The following RPS6KA2 variants were observed in gnomAD, a reference collection of about 807,000 sequenced individuals.
RPS6KA2 encodes ribosomal protein S6 kinase alpha-2.
Under a neutral mutation model 91.8 loss-of-function variants are expected in RPS6KA2, and 42 were observed. The observed-to-expected ratio is 0.46, with a 90% confidence interval of 0.36 to 0.59. The LOEUF (loss-of-function observed/expected upper bound fraction) is 0.59, where lower values mean the gene tolerates loss of function less well. Ranked by LOEUF, RPS6KA2 falls within the 20% of genes least tolerant of loss-of-function variation. The pLI, the probability that RPS6KA2 is intolerant of heterozygous loss-of-function variation, is 0.00. For synonymous variants in RPS6KA2, 414 were observed against 393.6 expected (o/e 1.05, Z -0.61); for missense variants, 798 against 978.5 (o/e 0.82, Z 2.46).
chr6:166,518,043 C>T (rs142073351), intron 3 of RPS6KA2, among the ~76,000 whole-genome samples: 3 of 152,164 alleles, frequency 2.0e-5, no homozygotes, highest in African/African-American at 7.2e-5. Flanking sequence ...GTCTTTAATT[C>T]CTCTAGCGCT....
intron 1 of RPS6KA2, among the ~76,000 whole-genome samples, chr6:166,564,262 G>A (rs1420879253): frequency 6.6e-6 from 1 of 152,110 alleles, no homozygotes; most frequent in African/African-American, 2.4e-5. Flanking sequence ...CCAGAACATC[G>A]CATGTGTCAA....
intron 1 of RPS6KA2, among the ~76,000 whole-genome samples, chr6:166,573,768 C>G (rs1050431702): frequency 6.6e-6 from 1 of 152,220 alleles, no homozygotes; most frequent in Non-Finnish European, 1.5e-5. Context: ...CGTGGTGAAA[C>G]AGTCTGGGAA....
intron 2 of RPS6KA2, among the ~76,000 whole-genome samples, chr6:166,777,270 AGGCC>A (rs1778647247): frequency 6.6e-6 from 1 of 152,240 alleles, no homozygotes; most frequent in East Asian, 1.9e-4. Context: ...TAAAAATGCC[AGGCC>A]TGTGCCTTCC....
chr6:166,422,562 CTT>C (rs1778761788), intron 17 of RPS6KA2, among the ~76,000 whole-genome samples: 1 of 152,212 alleles, frequency 6.6e-6, no homozygotes, highest in Non-Finnish European at 1.5e-5. Flanking sequence ...CCCTTCCTCT[CTT>C]TACCACTGGC....
chr6:166,793,621 A>G (rs1300298956), intron 2 of RPS6KA2, among the ~76,000 whole-genome samples: 3 of 151,960 alleles, frequency 2.0e-5, no homozygotes, highest in Non-Finnish European at 4.4e-5. Context: ...AGGCTACAGT[A>G]ACCAAAACAG....
intron 2 of RPS6KA2, among the ~76,000 whole-genome samples, chr6:166,751,886 TC>T (rs2128599221): frequency 6.6e-6 from 1 of 152,096 alleles, no homozygotes; most frequent in Non-Finnish European, 1.5e-5. Context: ...GAGGCCAGAC[TC>T]CGTGGAGCAC....
intron 2 of RPS6KA2, among the ~76,000 whole-genome samples, chr6:166,764,567 G>A (rs1778258077): frequency 1.3e-5 from 2 of 152,130 alleles, no homozygotes; most frequent in African/African-American, 4.8e-5. Flanking sequence ...GGCCTAGATG[G>A]GGAAGCAGAG....
chr6:166,588,548 C>G (rs1203815504), intron 1 of RPS6KA2, among the ~76,000 whole-genome samples: 1 of 152,220 alleles, frequency 6.6e-6, no homozygotes. Flanking sequence ...ACACCAGAAT[C>G]TGGGGAAATT....
At chr6:166,653,723 C>A (rs879900199) in intron 2 of RPS6KA2, among the ~76,000 whole-genome samples, 5 of 152,154 alleles carry the variant, frequency 3.3e-5, no homozygotes, top group Admixed American at 6.5e-5. Context: ...CCCATCTCAG[C>A]GGCACATGAA....
rs142360872 is a variant in RPS6KA2 at position 166,742,930 on chromosome 6, T to C, written c.123+115270A>G. Among the ~76,000 whole-genome samples, 639 of 152,254 alleles carry C rather than the reference T, an allele frequency of 4.2e-3. 4 individuals are homozygous for C. Among genetic ancestry groups the C allele is most frequent in the African/African-American group, 0.015 (616 of 41,568 alleles). ...GTTGCTCTGACTAATGGCGCTGAAA[T>C]AACGCAAAATCATCCACCTACCAGA... On this transcript the variant is annotated intron_variant, in intron 2 of 21. Coordinates refer to the RPS6KA2 transcript ENST00000503859.
chr6:166,594,548 T>C (rs368067851), intron 1 of RPS6KA2, among the ~76,000 whole-genome samples: 32 of 152,288 alleles, frequency 2.1e-4, no homozygotes, highest in Middle Eastern at 3.4e-3. Flanking sequence ...CTGCAAGCTC[T>C]GCCTCCCGGG....
At position 166,418,053 on chromosome 6, in the gene RPS6KA2, A is replaced by C. The variant is rs1169915523; in HGVS notation, c.1938+172T>G. On this transcript the variant is annotated intron_variant, in intron 19 of 20. Transcript: ENST00000265678. The surrounding 1 kb of genome is among the most constrained non-coding windows in gnomAD (Gnocchi z 4.9). Reference sequence around the variant, plus strand: ...CAGTGAGCCAAGATTGTGCCACTGCACTCCAGCCTGGGTGAGACAGAGCGA... The same window carrying C: ...CAGTGAGCCAAGATTGTGCCACTGCCCTCCAGCCTGGGTGAGACAGAGCGA... Among the ~76,000 whole-genome samples the C allele has an allele frequency of 6.6e-6, 1 of 151,796 alleles. No individual in the cohort carries two copies. The highest frequency in any genetic ancestry group is 1.9e-4 in the East Asian group (1 of 5,168).
In RPS6KA2 at chr6:166,487,567, C is replaced by T. The variant is rs942170038; in HGVS notation, c.907+1266G>A. ...CTGCTTACACAGAGGAGAACTGCCTCGGAAATACAACTATGGGACATCTTT... is the reference window on the plus strand; with the variant it reads ...CTGCTTACACAGAGGAGAACTGCCTTGGAAATACAACTATGGGACATCTTT... On this transcript the variant is annotated intron_variant, in intron 10 of 20. Transcript: ENST00000265678. Among the ~76,000 whole-genome samples, 5 of 151,966 alleles carry T rather than the reference C, an allele frequency of 3.3e-5. No individual in the cohort carries two copies. In the East Asian group the frequency reaches 5.8e-4, roughly 18 times the overall value.
chr6:166,483,161 T>A (rs1781293570), intron 10 of RPS6KA2, among the ~76,000 whole-genome samples: 1 of 152,268 alleles, frequency 6.6e-6, no homozygotes, highest in African/African-American at 2.4e-5. Context: ...ACCTGGGACG[T>A]CTATGTGTGT....
rs755161513 is a variant in RPS6KA2 at position 166,666,458 on chromosome 6, C to T, written c.124-127674G>A. On this transcript the variant is annotated intron_variant, in intron 2 of 21. Transcript: ENST00000503859. This position sits in a 1 kb window ranked among gnomAD's most constrained non-coding sequence, Gnocchi z 4.0. ...TTATAAAATATAAGGATAATTTCACCAAAGAAGATATACAAATGACCAAGA... is the reference window on the plus strand; with the variant it reads ...TTATAAAATATAAGGATAATTTCACTAAAGAAGATATACAAATGACCAAGA... Among the ~76,000 whole-genome samples, 4 of 152,024 alleles carry T rather than the reference C, an allele frequency of 2.6e-5. No individual in the cohort carries two copies. The highest frequency in any genetic ancestry group is 4.4e-5 in the Non-Finnish European group (3 of 68,010).
chr6:166,689,405 CAAGGA>C (rs1310007293), intron 2 of RPS6KA2, among the ~76,000 whole-genome samples: 2 of 152,142 alleles, frequency 1.3e-5, no homozygotes, highest in Non-Finnish European at 2.9e-5. Context: ...CAACGTGATA[CAAGGA>C]AAAGAGTAGA....
intron 14 of RPS6KA2, among the ~76,000 whole-genome samples, chr6:166,440,835 G>A (rs148888565): frequency 2.6e-5 from 4 of 152,332 alleles, no homozygotes; most frequent in South Asian, 4.1e-4. Context: ...AAGTTATCTC[G>A]GGGCAAACGC....
intron 2 of RPS6KA2, among the ~76,000 whole-genome samples, chr6:166,718,972 T>A (rs1298181752): frequency 2.6e-5 from 4 of 152,188 alleles, no homozygotes; most frequent in African/African-American, 9.7e-5. Flanking sequence ...AACATTAACA[T>A]TTAAAGGTTA....
At chr6:166,586,902 G>A (rs1785193089) in intron 1 of RPS6KA2, among the ~76,000 whole-genome samples, 1 of 152,202 alleles carries the variant, frequency 6.6e-6, no homozygotes, top group South Asian at 2.1e-4. Flanking sequence ...GCCTCCCAGT[G>A]GGGACTACAT....
Sources: gnomAD v4.1 joint callset for allele counts (sites outside exome capture counted in the v4.1 genomes callset) on GRCh38, gnomAD v4.1.1 for gene constraint, Gnocchi (gnomAD v3.1) non-coding constraint, MANE v1.5 for transcripts, NCBI Gene and HGNC (gene_info 2026-07-23, HGNC 2026-07-21) for gene names.